Variants in STAP1 observed in about 807,000 individuals in gnomAD.
STAP1 encodes the protein signal transducing adaptor family member 1.
Under a neutral mutation model 37.8 loss-of-function variants are expected in STAP1, and 30 were observed. That is an observed-to-expected ratio of 0.79 (90% CI 0.59 to 1.08). The LOEUF (loss-of-function observed/expected upper bound fraction) is 1.08, where lower values mean the gene tolerates loss of function less well. STAP1 is among the 50% of genes least tolerant of loss of function. STAP1 has a pLI of 0.00. For synonymous variants in STAP1, 130 were observed against 116.0 expected (o/e 1.12, Z -0.78); for missense variants, 357 against 349.4 (o/e 1.02, Z -0.17).
intron 1 of STAP1, among the ~76,000 whole-genome samples, chr4:67,562,397 A>C (rs1321534492): frequency 6.6e-6 from 1 of 152,102 alleles, no homozygotes; most frequent in Non-Finnish European, 1.5e-5. Flanking sequence ...ACAGTTCTCT[A>C]TGGCAGTAAT....
intron 8 of STAP1, among the ~76,000 whole-genome samples, chr4:67,594,303 C>T (rs776201459): frequency 6.6e-6 from 1 of 152,184 alleles, no homozygotes; most frequent in Non-Finnish European, 1.5e-5. Context: ...GTTCTTAAAA[C>T]ATGATTATGA....
chr4:67,600,744 A>G (rs74438038), intron 8 of STAP1, among the ~76,000 whole-genome samples: 7,921 of 151,976 alleles, frequency 0.052, 301 homozygotes, highest in East Asian at 0.19. Flanking sequence ...TTATATAATG[A>G]CCTTTCTTTT....
At chr4:67,603,564 C>A (rs1728389449) in intron 8 of STAP1, among the ~76,000 whole-genome samples, 1 of 152,110 alleles carries the variant, frequency 6.6e-6, no homozygotes, top group Admixed American at 6.5e-5. Context: ...GATGTTTATT[C>A]AAGGCTCAAG....
At chr4:67,570,363 T>C (rs1727574458) in intron 1 of STAP1, among the ~76,000 whole-genome samples, 1 of 152,176 alleles carries the variant, frequency 6.6e-6, no homozygotes. Flanking sequence ...TGCTACAACA[T>C]TATTGACAGT....
At chr4:67,559,925 A>G (rs1445194700) in intron 1 of STAP1, among the ~76,000 whole-genome samples, 1 of 152,182 alleles carries the variant, frequency 6.6e-6, no homozygotes, top group Non-Finnish European at 1.5e-5. Flanking sequence ...GGTAATTTGT[A>G]TTCTGTTATG....
rs1727912108 is a variant in STAP1 at position 67,583,576 on chromosome 4, G to A, written c.533G>A (p.Cys178Tyr). 1.2e-6 allele frequency: 2 copies of A among 1,606,664 alleles called. No individual in the cohort carries two copies. Among genetic ancestry groups the A allele is most frequent in the Non-Finnish European group, 1.7e-6 (2 of 1,177,456 alleles). ...GTTTTTTTATCTCACCTCTGTAGAT[G>A]TTTTTATACAGTGTCCCGGAAAGAG... ...YVDVLNPMPA[C>Y]FYTVSRKEAT... The change falls in exon 6 of 9, where the codon TGT becomes TAT. Residue 178 changes from cysteine to tyrosine, a missense_variant and splice_region_variant. Transcript: ENST00000265404.
rs1727858483 is a variant in STAP1, at chr4:67,581,488, C to T, written c.530+17C>T. On this transcript the variant is annotated intron_variant, in intron 5 of 8. Coordinates refer to ENST00000265404, the MANE Select transcript of STAP1 (RefSeq NM_012108.4). ...TATGCCAGCGTAAGTGCACAATGAA[C>T]TGCAGTTTATTCATTCGATTGTTAA... 10 of 1,586,304 alleles carry T rather than the reference C, an allele frequency of 6.3e-6. No individual in the cohort carries two copies. The highest frequency in any genetic ancestry group is 8.6e-6 in the Non-Finnish European group (10 of 1,167,786).
intron 5 of STAP1, among the ~76,000 whole-genome samples, chr4:67,583,051 A>G (rs1239499179): frequency 6.6e-6 from 1 of 152,264 alleles, no homozygotes; most frequent in Non-Finnish European, 1.5e-5. Context: ...GTATATTATA[A>G]AAATGAGAAG....
chr4:67,580,812 C>T (rs972646134), intron 4 of STAP1, among the ~76,000 whole-genome samples: 1 of 152,100 alleles, frequency 6.6e-6, no homozygotes, highest in African/African-American at 2.4e-5. Flanking sequence ...TGAAACACAC[C>T]ACAGACGCAA....
At chr4:67,591,598 G>A (rs189397359) in intron 7 of STAP1, among the ~76,000 whole-genome samples, 1 of 152,266 alleles carries the variant, frequency 6.6e-6, no homozygotes, top group Non-Finnish European at 1.5e-5. Context: ...GTGATTTTAG[G>A]CTGCAGTAGT....
intron 2 of STAP1, among the ~76,000 whole-genome samples, chr4:67,573,111 G>A (rs1727641899): frequency 6.6e-6 from 1 of 152,226 alleles, no homozygotes. Context: ...AGAATTTAAA[G>A]CTGGCTTTAA....
At chr4:67,560,537 G>T (rs1333714375) in intron 1 of STAP1, among the ~76,000 whole-genome samples, 1 of 152,120 alleles carries the variant, frequency 6.6e-6, no homozygotes, top group Non-Finnish European at 1.5e-5. Flanking sequence ...CCTTCTCTTA[G>T]AAAGCATTCT....
intron 4 of STAP1, among the ~76,000 whole-genome samples, chr4:67,580,241 GAT>G (rs1347439663): frequency 6.6e-6 from 1 of 152,014 alleles, no homozygotes; most frequent in African/African-American, 2.4e-5. Context: ...AATTAATAAA[GAT>G]ATGTGTTTCA....
At position 67,558,840 on chromosome 4, in the gene STAP1, C is replaced by T; in HGVS notation, c.31C>T (p.Pro11Ser). Residue 11 changes from proline (P) to serine (S), a missense_variant, in exon 1 of 9, where the codon CCT (proline) becomes TCT (serine). By Grantham distance (74) the Pro-to-Ser change is moderately conservative. Transcript: ENST00000265404. MMAKKPPKPA[P>S]RRIFQERLKI... is the part of the protein sequence containing the mutation. ...GGCTAAGAAGCCCCCAAAACCAGCC[C>T]CTCGCAGGATCTTCCAGGAAAGGTT... 1 of 1,613,370 alleles carries T rather than the reference C, an allele frequency of 6.2e-7. No individual in the cohort carries two copies. Among genetic ancestry groups the T allele is most frequent in the Non-Finnish European group, 8.5e-7 (1 of 1,179,554 alleles).
At chr4:67,590,740 G>A (rs551316260) in intron 6 of STAP1, 144 bp from the exon 7 acceptor site, 36 of 465,668 alleles carry the variant, frequency 7.7e-5, no homozygotes, top group African/African-American at 4.9e-4. Context: ...AAAAAACCAC[G>A]AAGGATTTTT....
intron 6 of STAP1, among the ~76,000 whole-genome samples, chr4:67,585,015 G>C (rs181382474): frequency 1.2e-4 from 19 of 152,140 alleles, no homozygotes; most frequent in African/African-American, 4.6e-4. Flanking sequence ...TGTAGTTGGG[G>C]TAGTTAGATC....
At chr4:67,579,817 G>T (rs935041520) in intron 4 of STAP1, among the ~76,000 whole-genome samples, 2 of 152,104 alleles carry the variant, frequency 1.3e-5, no homozygotes, top group South Asian at 2.1e-4. Context: ...CATGAGCTTT[G>T]GTGGGAACAC....
chr4:67,571,652 G>T (rs1176460576), intron 2 of STAP1, among the ~76,000 whole-genome samples: 1 of 152,102 alleles, frequency 6.6e-6, no homozygotes, highest in Non-Finnish European at 1.5e-5. Context: ...GGGATTCTGA[G>T]GTTTATTTAT....
chr4:67,564,231 C>T (rs1204837202), intron 1 of STAP1, among the ~76,000 whole-genome samples: 1 of 152,120 alleles, frequency 6.6e-6, no homozygotes, highest in Non-Finnish European at 1.5e-5. Flanking sequence ...CCTTACTTTT[C>T]CTCCAGGGCT....
Sources: gnomAD v4.1 joint callset for allele counts (sites outside exome capture counted in the v4.1 genomes callset) on GRCh38, gnomAD v4.1.1 for gene constraint, MANE v1.5 for transcripts, NCBI Gene and HGNC (gene_info 2026-07-23, HGNC 2026-07-21) for gene names.